LHFPL3: variants seen among roughly 807,000 people sequenced by gnomAD.
The protein encoded by LHFPL3 is LHFPL tetraspan subfamily member 3.
A neutral mutation model predicts 19.3 loss-of-function variants in LHFPL3; 5 were observed. That is an observed-to-expected ratio of 0.26 (90% CI 0.14 to 0.54). LHFPL3 has a LOEUF of 0.54. Among genes scored for constraint, LHFPL3 ranks in the 20% least tolerant of loss-of-function variants. The pLI, the probability that LHFPL3 is intolerant of heterozygous loss-of-function variation, is 0.94. For synonymous variants in LHFPL3, 133 were observed against 126.2 expected (o/e 1.05, Z -0.36); for missense variants, 249 against 307.4 (o/e 0.81, Z 1.42).
intron 1 of LHFPL3, among the ~76,000 whole-genome samples, chr7:104,414,027 A>G (rs1177193860): frequency 6.6e-6 from 1 of 152,146 alleles, no homozygotes; most frequent in Non-Finnish European, 1.5e-5. Context: ...ATTACAGTAC[A>G]GAGTGAATAT....
chr7:104,438,341 A>G (rs1052850370), intron 1 of LHFPL3, among the ~76,000 whole-genome samples: 1 of 152,192 alleles, frequency 6.6e-6, no homozygotes, highest in Non-Finnish European at 1.5e-5. Flanking sequence ...CAAGATTCTA[A>G]TTTTAAAAGT....
At chr7:104,506,247 G>A (rs1793695933) in intron 1 of LHFPL3, among the ~76,000 whole-genome samples, 1 of 148,090 alleles carries the variant, frequency 6.8e-6, no homozygotes. Context: ...CGCCCCCGCT[G>A]CCCCCACCCA....
intron 1 of LHFPL3, among the ~76,000 whole-genome samples, chr7:104,697,919 A>G (rs781370155): frequency 6.6e-6 from 1 of 152,222 alleles, no homozygotes; most frequent in Non-Finnish European, 1.5e-5. Flanking sequence ...TTTGTCTTCT[A>G]TGACTTTCAA....
chr7:104,901,793 C>A (rs1201116850), intron 2 of LHFPL3, among the ~76,000 whole-genome samples: 1 of 152,010 alleles, frequency 6.6e-6, no homozygotes, highest in Non-Finnish European at 1.5e-5. Flanking sequence ...TGGTCTTGAA[C>A]TCCTGGGTCA....
At chr7:104,898,995 T>TA (rs1388046987) in intron 2 of LHFPL3, among the ~76,000 whole-genome samples, 1 of 151,706 alleles carries the variant, frequency 6.6e-6, no homozygotes, top group Non-Finnish European at 1.5e-5. Context: ...CCCAGCTACT[T>TA]ACGGGGCTGA....
At chr7:104,873,887 C>G (rs1791883210) in intron 2 of LHFPL3, among the ~76,000 whole-genome samples, 1 of 152,202 alleles carries the variant, frequency 6.6e-6, no homozygotes, top group African/African-American at 2.4e-5. Context: ...CTCGGTTGCC[C>G]TCAGAACGTA....
chr7:104,437,738 G>A (rs1487638251), intron 1 of LHFPL3, among the ~76,000 whole-genome samples: 1 of 152,068 alleles, frequency 6.6e-6, no homozygotes, highest in African/African-American at 2.4e-5. Context: ...TGGGGGTAGG[G>A]ACACAGAGCT....
chr7:104,670,862 T>TC (rs1381022343), intron 1 of LHFPL3, among the ~76,000 whole-genome samples: 1 of 100,700 alleles, frequency 9.9e-6, no homozygotes, highest in Non-Finnish European at 2.4e-5. Context: ...ATGTGTTTTG[T>TC]TTTGTTTTTT....
chr7:104,647,647 G>A (rs1861610), intron 1 of LHFPL3, among the ~76,000 whole-genome samples: 150,869 of 152,376 alleles, frequency 0.99, 74,697 homozygotes, highest in East Asian at 1. Flanking sequence ...TGTTTTTCTC[G>A]TGTTAAATTC....
chr7:104,606,968 A>C (rs78477752), intron 1 of LHFPL3, among the ~76,000 whole-genome samples: 2 of 152,184 alleles, frequency 1.3e-5, no homozygotes, highest in South Asian at 2.1e-4. Context: ...ACAAAAAAAA[A>C]CAATCTTAGG....
intron 1 of LHFPL3, among the ~76,000 whole-genome samples, chr7:104,348,890 T>C (rs1401183829): frequency 6.6e-6 from 1 of 152,182 alleles, no homozygotes; most frequent in Non-Finnish European, 1.5e-5. Context: ...ATTTATACAA[T>C]GGTTGCAAGA....
At chr7:104,507,195 T>A (rs1303532199) in intron 1 of LHFPL3, among the ~76,000 whole-genome samples, 1 of 151,904 alleles carries the variant, frequency 6.6e-6, no homozygotes, top group Non-Finnish European at 1.5e-5. Context: ...TCACACTACC[T>A]GACTTCAAAC....
chr7:104,499,523 T>G (rs953256752), intron 1 of LHFPL3, among the ~76,000 whole-genome samples: 2 of 152,226 alleles, frequency 1.3e-5, no homozygotes, highest in African/African-American at 4.8e-5. Context: ...GTCTGTCTAC[T>G]GCCAGCCTGG....
At chr7:104,888,427 G>C (rs1331035709) in intron 2 of LHFPL3, among the ~76,000 whole-genome samples, 1 of 152,220 alleles carries the variant, frequency 6.6e-6, no homozygotes, top group African/African-American at 2.4e-5. Flanking sequence ...CTAACCAGGA[G>C]ACTGAGGCAG....
At chr7:104,861,643 A>T (rs1791621063) in intron 2 of LHFPL3, among the ~76,000 whole-genome samples, 1 of 152,102 alleles carries the variant, frequency 6.6e-6, no homozygotes, top group South Asian at 2.1e-4. Context: ...GCCTTCTCTA[A>T]AAAAACGCAG....
intron 1 of LHFPL3, among the ~76,000 whole-genome samples, chr7:104,532,969 G>C (rs1338258652): frequency 6.6e-6 from 1 of 152,150 alleles, no homozygotes; most frequent in Non-Finnish European, 1.5e-5. Context: ...GGAGGAGAGA[G>C]TGAAGAGGAG....
At chr7:104,430,456 T>TGTA (rs1562895386) in intron 1 of LHFPL3, among the ~76,000 whole-genome samples, 1 of 11,186 alleles carries the variant, frequency 8.9e-5, no homozygotes, top group Non-Finnish European at 1.5e-4. Flanking sequence ...ATATATATAT[T>TGTA]TTTTTTTTTT....
rs1407796035 is a variant in LHFPL3 at position 104,688,328 on chromosome 7, C to CAA, written c.446-48345_446-48344dup. On this transcript the variant is annotated intron_variant, in intron 1 of 2. Coordinates refer to ENST00000424859, the MANE Select transcript of LHFPL3 (RefSeq NM_199000.3). ...GAGTGAAAGTCTTAACTCCTGTAGA[C>CAA]AAAGGGCTGAAATTGCGGAAAATCA... Among the ~76,000 whole-genome samples, 4 of 152,254 alleles carry CAA rather than the reference C, an allele frequency of 2.6e-5. No homozygotes were observed. The East Asian group carries it at 7.7e-4, about 29-fold the overall frequency.
intron 1 of LHFPL3, among the ~76,000 whole-genome samples, chr7:104,724,899 C>A (rs964518685): frequency 3.3e-5 from 5 of 152,206 alleles, no homozygotes; most frequent in African/African-American, 4.8e-5. Context: ...ACATTTTTCT[C>A]CAGGAGCCCA....
Sources: gnomAD v4.1 joint callset for allele counts (sites outside exome capture counted in the v4.1 genomes callset) on GRCh38, gnomAD v4.1.1 for gene constraint, MANE v1.5 for transcripts, NCBI Gene and HGNC (gene_info 2026-07-23, HGNC 2026-07-21) for gene names.